ENTPD1: variants seen among roughly 807,000 people sequenced by gnomAD.
ENTPD1 encodes ATP diphosphohydrolase.
In ENTPD1, 33 loss-of-function variants were observed where a neutral mutation model predicts 57.0. The ratio of observed to expected loss-of-function variants is 0.58; its 90% CI spans 0.44 to 0.77. The LOEUF (loss-of-function observed/expected upper bound fraction) is 0.77, where lower values mean the gene tolerates loss of function less well. Ranked by LOEUF, ENTPD1 falls within the 30% of genes least tolerant of loss-of-function variation. The pLI, the probability that ENTPD1 is intolerant of heterozygous loss-of-function variation, is 0.00. For synonymous variants in ENTPD1, 202 were observed against 218.8 expected, an observed-to-expected ratio of 0.92 and a Z score of 0.68; for missense variants, 501 against 603.4, an observed-to-expected ratio of 0.83 and a Z score of 1.78.
chr10:95,815,327 T>C (rs941117014), intron 1 of ENTPD1, among the ~76,000 whole-genome samples: 16 of 152,364 alleles, frequency 1.1e-4, no homozygotes, highest in African/African-American at 3.8e-4. Flanking sequence ...GCAAGGTGCA[T>C]GACTTGGGCA....
At chr10:95,754,882 A>C (rs2098018470), upstream of ENTPD1, 1 of 152,268 alleles carries the variant, frequency 6.6e-6, no homozygotes, top group South Asian at 2.1e-4. Context: ...AGAGATGCCT[A>C]AACTAAAAGG....
chr10:95,716,057 G>A (rs865931121), intron 1 of ENTPD1, among the ~76,000 whole-genome samples: 1 of 152,070 alleles, frequency 6.6e-6, no homozygotes. Context: ...TGCAGTCAGG[G>A]GTCCCACTAT....
In ENTPD1 at chr10:95,873,918, C is replaced by T. The variant is rs888981360; in HGVS notation, c.*7535C>T. Among the ~76,000 whole-genome samples the T allele has an allele frequency of 5.9e-5, 9 of 152,084 alleles. No homozygotes were observed. The highest frequency in any genetic ancestry group is 1.7e-4 in the African/African-American group (7 of 41,414). The stretch of plus-strand genomic sequence containing the variant: ...CCAGATCTTGTGGGACTTATTATCA[C>T]GAGAATAGCACAGAAAAGACTGGCC... On this transcript the variant is annotated 3_prime_UTR_variant, in exon 10 of 10. Coordinates refer to ENST00000371205, the MANE Select transcript of ENTPD1 (RefSeq NM_001776.6).
chr10:95,769,813 G>A (rs1228873345), intron 1 of ENTPD1, among the ~76,000 whole-genome samples: 1 of 152,120 alleles, frequency 6.6e-6, no homozygotes, highest in African/African-American at 2.4e-5. Flanking sequence ...TCTCCTAGTT[G>A]GATTTAGATG....
chr10:95,873,018 C>T lies in ENTPD1; in HGVS notation c.*6635C>T. On this transcript the variant is annotated 3_prime_UTR_variant, in exon 10 of 10. Coordinates refer to ENST00000371205, the MANE Select transcript of ENTPD1 (RefSeq NM_001776.6). ...ATCATGCATCTCAAAATTTAATGTA[C>T]ATACAAATTACCCAGGGATTTTGTT... The T allele has an allele frequency of 1.0e-6, 1 of 976,288 alleles. No homozygotes were observed. The allele number at this position is 976,288 out of a possible 1,614,324, so 60.5% of individuals were successfully genotyped here.
At chr10:95,698,746 G>A in the ENTPD1 span, among the ~76,000 whole-genome samples, 3 of 152,158 alleles carry the variant, frequency 2.0e-5, no homozygotes, top group African/African-American at 7.2e-5. Flanking sequence ...CTTCATAACT[G>A]TAAGAAATCA....
At chr10:95,698,581 C>T in the ENTPD1 span, among the ~76,000 whole-genome samples, 7 of 152,208 alleles carry the variant, frequency 4.6e-5, no homozygotes, top group South Asian at 1.4e-3. Flanking sequence ...GGGTGCCCCT[C>T]CCATCACAGG....
chr10:95,770,174 C>T (rs528490705), intron 1 of ENTPD1, among the ~76,000 whole-genome samples: 3 of 150,260 alleles, frequency 2.0e-5, no homozygotes, highest in Non-Finnish European at 4.4e-5. Flanking sequence ...AGGACTGAGC[C>T]GGATGCTCCA....
At chr10:95,804,121 T>G (rs2098262327) in intron 1 of ENTPD1, among the ~76,000 whole-genome samples, 1 of 152,216 alleles carries the variant, frequency 6.6e-6, no homozygotes, top group African/African-American at 2.4e-5. Flanking sequence ...TAGTATAGTT[T>G]GAAGTCAGGT....
At chr10:95,805,265 A>G (rs371814097) in intron 1 of ENTPD1, among the ~76,000 whole-genome samples, 199 of 151,700 alleles carry the variant, frequency 1.3e-3, no homozygotes, top group Non-Finnish European at 1.8e-3. Flanking sequence ...GTCTCTTTTG[A>G]TCTTTGTTGG....
intron 7 of ENTPD1, among the ~76,000 whole-genome samples, chr10:95,850,371 C>CT (rs554508624): frequency 2.7e-4 from 41 of 152,264 alleles, no homozygotes; most frequent in African/African-American, 9.9e-4. Flanking sequence ...TTTATGCCCT[C>CT]TGTAATGTAT....
intron 7 of ENTPD1, among the ~76,000 whole-genome samples, chr10:95,853,821 G>T (rs2098449666): frequency 6.6e-6 from 1 of 152,162 alleles, no homozygotes; most frequent in African/African-American, 2.4e-5. Context: ...ATGTGCTGCT[G>T]GATTCGGTTT....
chr10:95,783,008 T>C (rs932870784), intron 1 of ENTPD1, among the ~76,000 whole-genome samples: 1 of 152,150 alleles, frequency 6.6e-6, no homozygotes, highest in Admixed American at 6.5e-5. Context: ...TGCACACCTA[T>C]AAAATGGAAG....
chr10:95,842,133 A>G (rs929633817), intron 3 of ENTPD1, among the ~76,000 whole-genome samples: 2 of 152,200 alleles, frequency 1.3e-5, no homozygotes, highest in African/African-American at 4.8e-5. Flanking sequence ...ATTATTGAAC[A>G]CTGAACAGAC....
intron 1 of ENTPD1, among the ~76,000 whole-genome samples, chr10:95,745,187 G>A (rs540146845): frequency 3.3e-5 from 5 of 152,044 alleles, no homozygotes; most frequent in African/African-American, 1.2e-4. Flanking sequence ...TTTTTTAAAT[G>A]TTTTTTTATT....
At chr10:95,839,565 C>A in intron 2 of ENTPD1, 126 bp from the exon 3 acceptor site, 2 of 921,526 alleles carry the variant, frequency 2.2e-6, no homozygotes, top group Non-Finnish European at 3.6e-6. Flanking sequence ...CCAGTGCCAT[C>A]CCCTCAATGT....
chr10:95,747,426 A>G (rs2098007258), intron 1 of ENTPD1, among the ~76,000 whole-genome samples: 1 of 152,192 alleles, frequency 6.6e-6, no homozygotes, highest in Non-Finnish European at 1.5e-5. Context: ...CCAGAGTACC[A>G]CCTCTCATGA....
chr10:95,862,598 T>C (rs1257691703), intron 8 of ENTPD1, among the ~76,000 whole-genome samples: 1 of 152,190 alleles, frequency 6.6e-6, no homozygotes, highest in East Asian at 1.9e-4. Context: ...CCTGAAGCCA[T>C]TGGGTCTCTG....
At chr10:95,859,068 G>GA (rs1212372524) in intron 7 of ENTPD1, among the ~76,000 whole-genome samples, 1 of 151,968 alleles carries the variant, frequency 6.6e-6, no homozygotes, top group South Asian at 2.1e-4. Flanking sequence ...GAAAGTGGAA[G>GA]AAAAAAATCA....
Sources: allele counts gnomAD v4.1 joint callset (sites outside exome capture counted in the v4.1 genomes callset), GRCh38; gene constraint gnomAD v4.1.1; transcripts MANE v1.5; gene names NCBI Gene and HGNC (gene_info 2026-07-23, HGNC 2026-07-21).